The following HMGXB3 variants were observed in gnomAD, a reference collection of about 807,000 sequenced individuals.
HMGXB3 encodes the protein HMG domain-containing protein 3.
In HMGXB3, 45 loss-of-function variants were observed where a neutral mutation model predicts 121.5. The ratio of observed to expected loss-of-function variants is 0.37; its 90% CI spans 0.29 to 0.47. The LOEUF (loss-of-function observed/expected upper bound fraction) is 0.47, where lower values mean the gene tolerates loss of function less well. Ranked by LOEUF, HMGXB3 falls within the 20% of genes least tolerant of loss-of-function variation. The pLI is 0.99. For synonymous variants in HMGXB3, 590 were observed against 624.1 expected, an observed-to-expected ratio of 0.95 and a Z score of 0.81; for missense variants, 1,376 against 1,602.2, an observed-to-expected ratio of 0.86 and a Z score of 2.41.
At chr5:150,008,143 G>A (rs1176141752) in intron 3 of HMGXB3, among the ~76,000 whole-genome samples, 1 of 151,178 alleles carries the variant, frequency 6.6e-6, no homozygotes, top group African/African-American at 2.4e-5. Flanking sequence ...ACGTAATCCT[G>A]GAGTGATTTG....
chr5:150,041,406 C>T (rs1756631541), intron 14 of HMGXB3, among the ~76,000 whole-genome samples: 1 of 152,222 alleles, frequency 6.6e-6, no homozygotes, highest in Admixed American at 6.5e-5. Flanking sequence ...TCAGTCTTGG[C>T]TCTGCCACTG....
intron 1 of HMGXB3, among the ~76,000 whole-genome samples, chr5:150,001,982 T>C (rs1371227892): frequency 6.6e-6 from 1 of 152,216 alleles, no homozygotes; most frequent in African/African-American, 2.4e-5. Context: ...GCTTCCCTTA[T>C]CCTTTACTGG....
rs971306981 is a variant in HMGXB3 at position 150,024,754 on chromosome 5, A to T, written c.1460+74A>T. On this transcript the variant is annotated intron_variant, in intron 7 of 19. Transcript: ENST00000502717. ...TTCTTTTATCTCATGTCTGTACAGC[A>T]TGCCTGAGAGAGGCAGCAGAGACCA... The T allele has an allele frequency of 1.3e-5, 17 of 1,268,854 alleles. No homozygotes were observed. The South Asian group carries it at 2.6e-4, about 19-fold the overall frequency. The allele number at this position is 1,268,854 out of a possible 1,614,324, so 78.6% of individuals were successfully genotyped here.
chr5:150,021,641 CAGA>C (rs1482827495), intron 6 of HMGXB3: 17 of 524,962 alleles, frequency 3.2e-5, no homozygotes, highest in South Asian at 1.5e-5. Context: ...TTAACAATCT[CAGA>C]AGGACTGTGC....
chr5:150,052,111 C>G lies in HMGXB3; in HGVS notation c.3798C>G (p.Leu1266=). The stretch of plus-strand genomic sequence containing the variant: ...GTGAGGTGGTCATTCGTGACACCCT[C>G]TACCGCCTTGGGGTTGCTCAGATCA... ...QPGEVVIRDT[L]YRLGVAQIKT... The change falls in exon 20 of 20, where the codon CTC becomes CTG. Residue 1266 remains leucine, a synonymous_variant. Coordinates refer to ENST00000502717, the MANE Select transcript of HMGXB3 (RefSeq NM_014983.3). The G allele has an allele frequency of 1.9e-6, 3 of 1,551,722 alleles. No individual in the cohort carries two copies. The highest frequency in any genetic ancestry group is 2.6e-6 in the Non-Finnish European group (3 of 1,147,018).
rs1305237326 is a variant in HMGXB3 at position 150,010,357 on chromosome 5, G to A, written c.559G>A (p.Ala187Thr). Residue 187 changes from alanine to threonine, a missense_variant, in exon 4 of 20, where the codon GCC becomes ACC. Coordinates refer to ENST00000502717, the MANE Select transcript of HMGXB3 (RefSeq NM_014983.3). ...GGCAGAGCAGTGCCTGGCTGTGGAG[G>A]CCCTGGCTGAGGAGGTGGGAGCCCT... ...GMAEQCLAVEALAEEVGALTQ... is the reference protein window; with the variant it reads ...GMAEQCLAVETLAEEVGALTQ... The A allele has an allele frequency of 6.4e-7, 1 of 1,551,562 alleles. No homozygotes were observed. The highest frequency in any genetic ancestry group is 2.4e-5 in the East Asian group (1 of 40,922).
chr5:150,039,444 TTGTC>T (rs1004212234), intron 13 of HMGXB3, among the ~76,000 whole-genome samples: 3 of 152,206 alleles, frequency 2.0e-5, no homozygotes, highest in Non-Finnish European at 4.4e-5. Flanking sequence ...ATAATTAAGT[TTGTC>T]TGTTGACTTT....
At chr5:150,010,057 T>C in intron 3 of HMGXB3, 54 bp from the exon 4 acceptor site, 4 of 1,505,628 alleles carry the variant, frequency 2.7e-6, no homozygotes, top group Non-Finnish European at 3.6e-6. Context: ...CTCCATGTGG[T>C]CTTAGTCCAT....
At chr5:150,047,311 A>G (rs899098213) in intron 16 of HMGXB3, among the ~76,000 whole-genome samples, 8 of 152,184 alleles carry the variant, frequency 5.3e-5, no homozygotes, top group Non-Finnish European at 1.2e-4. Context: ...TTATTGATGC[A>G]GTCATGGTAA....
At chr5:150,041,153 C>T (rs73273592) in intron 14 of HMGXB3, among the ~76,000 whole-genome samples, 4,515 of 152,272 alleles carry the variant, frequency 0.03, 244 homozygotes, top group African/African-American at 0.1. Context: ...GAGACTTGGC[C>T]CCATTGCATG....
At chr5:150,002,566 A>G (rs1381095427) in intron 1 of HMGXB3, among the ~76,000 whole-genome samples, 1 of 152,208 alleles carries the variant, frequency 6.6e-6, no homozygotes, top group Non-Finnish European at 1.5e-5. Flanking sequence ...TTCAGGGGCA[A>G]CTATGTTATT....
In HMGXB3 at chr5:150,052,207, C is replaced by T; in HGVS notation, c.*15C>T. On this transcript the variant is annotated 3_prime_UTR_variant, in exon 20 of 20. Coordinates refer to ENST00000502717, the MANE Select transcript of HMGXB3 (RefSeq NM_014983.3). Reference sequence around the variant, plus strand: ...TGGCAGAATAAGCCAGGCTGTTGTACAGGGACTACACCATCTCTCAAGCCA... The same window carrying T: ...TGGCAGAATAAGCCAGGCTGTTGTATAGGGACTACACCATCTCTCAAGCCA... The T allele has an allele frequency of 6.6e-7, 1 of 1,515,402 alleles. No individual in the cohort carries two copies. The highest frequency in any genetic ancestry group is 8.9e-7 in the Non-Finnish European group (1 of 1,123,982). 93.9% of individuals were successfully genotyped at this position (1,515,402 alleles called of 1,614,324 possible).
intron 15 of HMGXB3, among the ~76,000 whole-genome samples, chr5:150,043,002 A>G (rs1756673576): frequency 5.9e-5 from 9 of 152,246 alleles, no homozygotes; most frequent in Admixed American, 5.9e-4. Flanking sequence ...ATAAAATAAT[A>G]GCAAATCAGA....
At chr5:150,042,285 G>A (rs935251440) in intron 15 of HMGXB3, among the ~76,000 whole-genome samples, 4 of 152,206 alleles carry the variant, frequency 2.6e-5, no homozygotes, top group Non-Finnish European at 4.4e-5. Context: ...CAAAGTTTCT[G>A]TCCTCATGGA....
At chr5:150,028,541 G>GTGTGTGTA (rs1203886454) in intron 9 of HMGXB3, among the ~76,000 whole-genome samples, 30 of 42,082 alleles carry the variant, frequency 7.1e-4, no homozygotes, top group Non-Finnish European at 9.5e-4. Flanking sequence ...GTGTGTGTGT[G>GTGTGTGTA]TATATATATA....
chr5:150,024,861 T>A (rs1481741597), intron 7 of HMGXB3, among the ~76,000 whole-genome samples, 181 bp downstream of exon 7: 1 of 152,232 alleles, frequency 6.6e-6, no homozygotes, highest in Non-Finnish European at 1.5e-5. Context: ...ACTCTGCTAT[T>A]CATGTACTGC....
At chr5:150,024,743 G>T in intron 7 of HMGXB3, 63 bp downstream of exon 7, 1 of 1,346,856 alleles carries the variant, frequency 7.4e-7, no homozygotes. Flanking sequence ...TTTATCTCAT[G>T]TCTGTACAGC....
intron 6 of HMGXB3, chr5:150,021,505 C>T (rs1486586439): frequency 6.3e-6 from 2 of 318,676 alleles, no homozygotes; most frequent in Non-Finnish European, 6.2e-6. Flanking sequence ...CATAAACTAT[C>T]TTAAAACATT....
intron 4 of HMGXB3, among the ~76,000 whole-genome samples, chr5:150,011,604 GT>G (rs35010665): frequency 1.3e-3 from 168 of 132,646 alleles, no homozygotes; most frequent in East Asian, 5.4e-3. Flanking sequence ...TTTTTTTTTG[GT>G]TTTTTTTTTT....
Sources: allele counts gnomAD v4.1 joint callset (sites outside exome capture counted in the v4.1 genomes callset), GRCh38; gene constraint gnomAD v4.1.1; transcripts MANE v1.5; gene names NCBI Gene and HGNC (gene_info 2026-07-23, HGNC 2026-07-21).